CDH13: variants seen among roughly 807,000 people sequenced by gnomAD.
CDH13 encodes cadherin-13.
A neutral mutation model predicts 63.8 loss-of-function variants in CDH13; 24 were observed. The observed-to-expected ratio is 0.38, with a 90% CI of 0.27 to 0.53. The LOEUF (loss-of-function observed/expected upper bound fraction) is 0.53, where lower values mean the gene tolerates loss of function less well. CDH13 is among the 20% of genes least tolerant of loss of function. The pLI, the probability that CDH13 is intolerant of heterozygous loss-of-function variation, is 0.85. For synonymous variants in CDH13, 503 were observed against 355.3 expected (o/e 1.42, Z -4.67); for missense variants, 1,049 against 903.1 (o/e 1.16, Z -2.07).
At chr16:82,880,841 G>C (rs1328793712) in intron 2 of CDH13, among the ~76,000 whole-genome samples, 1 of 152,134 alleles carries the variant, frequency 6.6e-6, no homozygotes, top group Non-Finnish European at 1.5e-5. Context: ...TACAACTCCT[G>C]ACTTTGAATG....
chr16:82,738,741 A>G (rs2033800059), intron 1 of CDH13, among the ~76,000 whole-genome samples: 1 of 152,178 alleles, frequency 6.6e-6, no homozygotes, highest in Admixed American at 6.5e-5. Flanking sequence ...GGAAAATGTC[A>G]TCTCTTTCTG....
intron 10 of CDH13, among the ~76,000 whole-genome samples, chr16:83,722,217 C>T (rs1255779304): frequency 1.3e-5 from 2 of 152,196 alleles, no homozygotes; most frequent in African/African-American, 2.4e-5. Flanking sequence ...TCTCTCTGAG[C>T]CTTGCTATTC....
At chr16:82,697,405 C>T (rs947764509) in intron 1 of CDH13, among the ~76,000 whole-genome samples, 3 of 145,774 alleles carry the variant, frequency 2.1e-5, no homozygotes, top group African/African-American at 7.5e-5. Context: ...TTTAAGGGGG[C>T]CAAGGCATTT....
chr16:82,738,862 A>G (rs1284497521), intron 1 of CDH13, among the ~76,000 whole-genome samples: 1 of 152,134 alleles, frequency 6.6e-6, no homozygotes, highest in Non-Finnish European at 1.5e-5. Flanking sequence ...ATGTCTTACC[A>G]TTTATTCTGC....
At chr16:83,260,685 C>G (rs1255487176) in intron 5 of CDH13, among the ~76,000 whole-genome samples, 1 of 152,108 alleles carries the variant, frequency 6.6e-6, no homozygotes, top group East Asian at 1.9e-4. Flanking sequence ...AAAGTTGGAA[C>G]CTTGTGTTTC....
chr16:83,426,676 C>G (rs1180739100), intron 6 of CDH13, among the ~76,000 whole-genome samples: 2 of 152,102 alleles, frequency 1.3e-5, no homozygotes, highest in African/African-American at 4.8e-5. Flanking sequence ...AGTCTGCCTA[C>G]ATGGTGCTTG....
intron 5 of CDH13, among the ~76,000 whole-genome samples, chr16:83,321,133 C>G (rs569193777): frequency 3.9e-5 from 6 of 152,338 alleles, no homozygotes; most frequent in South Asian, 2.1e-4. Flanking sequence ...TGATGTCTCA[C>G]TATTTTGAAA....
rs184155745 is a variant in CDH13, at chr16:83,586,162, G to A, written c.961-16292G>A. On this transcript the variant is annotated intron_variant, in intron 7 of 13. Coordinates refer to ENST00000567109, the MANE Select transcript of CDH13 (RefSeq NM_001257.5). ...GTGGAGCCCGGATGAACTGGCAAGC[G>A]ATGACCACCTGTGGACTGCAGCGGG... is the stretch of plus-strand genomic sequence containing the variant. Among the ~76,000 whole-genome samples the A allele has an allele frequency of 1.5e-3, 226 of 152,334 alleles. 1 individual carries two copies. Among genetic ancestry groups the A allele is most frequent in the Non-Finnish European group, 1.5e-3 (102 of 68,040 alleles).
intron 2 of CDH13, among the ~76,000 whole-genome samples, chr16:82,973,153 C>G (rs1446214215): frequency 6.6e-6 from 1 of 152,180 alleles, no homozygotes; most frequent in African/African-American, 2.4e-5. Flanking sequence ...AATCTCTTTC[C>G]CCAACTTGGG....
intron 6 of CDH13, among the ~76,000 whole-genome samples, chr16:83,385,241 A>G (rs909884687): frequency 2.6e-5 from 4 of 152,254 alleles, no homozygotes; most frequent in Admixed American, 6.5e-5. Context: ...ATTAAATAGT[A>G]CCAGTTTTTG....
intron 2 of CDH13, among the ~76,000 whole-genome samples, chr16:82,931,844 A>G (rs12445060): frequency 0.81 from 122,917 of 151,962 alleles, 49,818 homozygotes; most frequent in African/African-American, 0.85. Context: ...ACATGGTCCC[A>G]CCTACAACAT....
At chr16:83,396,900 G>C (rs1461198424) in intron 6 of CDH13, among the ~76,000 whole-genome samples, 2 of 152,112 alleles carry the variant, frequency 1.3e-5, no homozygotes, top group Admixed American at 6.5e-5. Context: ...GACCCTTTCA[G>C]GTAGCTTCTA....
At chr16:82,641,546 G>T (rs1909399371) in intron 1 of CDH13, among the ~76,000 whole-genome samples, 1 of 152,092 alleles carries the variant, frequency 6.6e-6, no homozygotes, top group South Asian at 2.1e-4. Flanking sequence ...CAAAGCCCTA[G>T]AATGCTACCT....
intron 1 of CDH13, among the ~76,000 whole-genome samples, chr16:82,676,565 T>G (rs1320473868): frequency 6.6e-6 from 1 of 150,450 alleles, no homozygotes; most frequent in Admixed American, 6.7e-5. Flanking sequence ...CTTACCTTCT[T>G]CCAATCTTTC....
intron 5 of CDH13, among the ~76,000 whole-genome samples, chr16:83,277,168 T>G (rs1022134174): frequency 2.0e-5 from 3 of 152,186 alleles, no homozygotes; most frequent in Non-Finnish European, 4.4e-5. Context: ...GATTCATTGG[T>G]ACCTGTCTTC....
intron 8 of CDH13, among the ~76,000 whole-genome samples, chr16:83,651,349 A>G (rs1327475852): frequency 6.6e-6 from 1 of 152,188 alleles, no homozygotes; most frequent in Non-Finnish European, 1.5e-5. Context: ...TTTTCATTAT[A>G]ACAATGTGCA....
intron 1 of CDH13, among the ~76,000 whole-genome samples, chr16:82,653,781 A>T (rs8062745): frequency 0.039 from 5,913 of 152,274 alleles, 358 homozygotes; most frequent in African/African-American, 0.13. Flanking sequence ...TGGGTTTTCC[A>T]ATGATCAGCA....
intron 2 of CDH13, among the ~76,000 whole-genome samples, chr16:82,882,296 C>T (rs1416001417): frequency 2.0e-5 from 3 of 152,142 alleles, no homozygotes; most frequent in African/African-American, 7.2e-5. Context: ...ATCAGGAATC[C>T]TTCCAGCCTG....
chr16:83,447,091 G>T (rs922534644), intron 6 of CDH13, among the ~76,000 whole-genome samples: 10 of 41,494 alleles, frequency 2.4e-4, no homozygotes, highest in South Asian at 8.4e-4. Flanking sequence ...ACACCTTATA[G>T]TAACCTTTTT....
Sources: gnomAD v4.1 joint callset for allele counts (sites outside exome capture counted in the v4.1 genomes callset) on GRCh38, gnomAD v4.1.1 for gene constraint, MANE v1.5 for transcripts, NCBI Gene and HGNC (gene_info 2026-07-23, HGNC 2026-07-21) for gene names.